Variants in WDR70 observed in about 807,000 individuals in gnomAD.
WDR70 encodes the protein WD repeat domain 70.
In WDR70, 53 loss-of-function variants were observed where a neutral mutation model predicts 88.6. The observed-to-expected ratio is 0.60, with a 90% CI of 0.48 to 0.75. WDR70 has a LOEUF of 0.75. Among genes scored for constraint, WDR70 ranks in the 30% least tolerant of loss-of-function variants. The pLI is 0.00. For synonymous variants in WDR70, 280 were observed against 270.0 expected, an observed-to-expected ratio of 1.04 and a Z score of -0.36; for missense variants, 610 against 823.2, an observed-to-expected ratio of 0.74 and a Z score of 3.17.
intron 7 of WDR70, among the ~76,000 whole-genome samples, chr5:37,447,905 G>A (rs1455079773): frequency 1.3e-5 from 2 of 152,054 alleles, no homozygotes; most frequent in East Asian, 1.9e-4. Context: ...CCTGCACGTT[G>A]TGCACATGTA....
At chr5:37,618,454 C>A (rs762366183) in intron 10 of WDR70, among the ~76,000 whole-genome samples, 1 of 152,084 alleles carries the variant, frequency 6.6e-6, no homozygotes, top group Non-Finnish European at 1.5e-5. Context: ...CTGCAACCTC[C>A]GCCTCTGGGG....
intron 10 of WDR70, among the ~76,000 whole-genome samples, chr5:37,656,482 G>T (rs1261352954): frequency 6.6e-6 from 1 of 152,262 alleles, no homozygotes; most frequent in African/African-American, 2.4e-5. Flanking sequence ...TGTGCTGGGA[G>T]ATCCACTGCT....
At chr5:37,506,224 T>C (rs781034072) in intron 8 of WDR70, 21 of 971,938 alleles carry the variant, frequency 2.2e-5, no homozygotes, top group Non-Finnish European at 3.2e-5. Flanking sequence ...TTGGTTGGAG[T>C]TGCTATCAAA....
chr5:37,609,274 G>A lies in WDR70; in HGVS notation c.1092+4036G>A, dbSNP rs1020704862. Among the ~76,000 whole-genome samples, 13 of 152,094 alleles carry A rather than the reference G, an allele frequency of 8.5e-5. 1 individual carries two copies. The East Asian group carries it at 1.3e-3, about 16-fold the overall frequency. On this transcript the variant is annotated intron_variant, in intron 10 of 17. Transcript: ENST00000265107. ...TAACAGGCAAATTTTTAAAAACTAT[G>A]TTCATGTCTCTTTATAATTCTGGGC...
intron 5 of WDR70, among the ~76,000 whole-genome samples, chr5:37,424,069 A>G (rs910396379): frequency 6.8e-6 from 1 of 146,050 alleles, no homozygotes; most frequent in African/African-American, 2.5e-5. Flanking sequence ...GAATCGCTTG[A>G]ACACGAGAAG....
At chr5:37,693,556 T>C (rs1284978945) in intron 10 of WDR70, among the ~76,000 whole-genome samples, 1 of 150,372 alleles carries the variant, frequency 6.7e-6, no homozygotes, top group Non-Finnish European at 1.5e-5. Flanking sequence ...AAATAACACA[T>C]CTACAACCAT....
chr5:37,630,749 C>T (rs1404582264), intron 10 of WDR70, among the ~76,000 whole-genome samples: 1 of 152,132 alleles, frequency 6.6e-6, no homozygotes, highest in African/African-American at 2.4e-5. Flanking sequence ...ATATGAAACC[C>T]CAGTGCTGGA....
chr5:37,576,076 A>C (rs1743041591), intron 9 of WDR70, among the ~76,000 whole-genome samples: 6 of 137,676 alleles, frequency 4.4e-5, no homozygotes, highest in African/African-American at 8.1e-5. Flanking sequence ...CTTCCTTCCT[A>C]ACTTCCTTCC....
chr5:37,441,482 CTATT>C (rs1372629428), intron 6 of WDR70, among the ~76,000 whole-genome samples: 1 of 152,058 alleles, frequency 6.6e-6, no homozygotes, highest in Non-Finnish European at 1.5e-5. Context: ...CATTTCAAGT[CTATT>C]TATTAGGAGA....
chr5:37,585,439 A>G (rs776738447), intron 9 of WDR70, among the ~76,000 whole-genome samples: 6 of 152,208 alleles, frequency 3.9e-5, no homozygotes, highest in Admixed American at 2.0e-4. Context: ...CATGTACAAC[A>G]TAGAAGTGCA....
chr5:37,696,680 T>C (rs10941362), intron 10 of WDR70, among the ~76,000 whole-genome samples: 68,858 of 123,338 alleles, frequency 0.56, 17,897 homozygotes, highest in Middle Eastern at 0.71. Flanking sequence ...CACACGCGCG[T>C]GCACACACAC....
chr5:37,430,322 AAG>A (rs1473575746), intron 5 of WDR70, among the ~76,000 whole-genome samples: 1 of 152,196 alleles, frequency 6.6e-6, no homozygotes, highest in Non-Finnish European at 1.5e-5. Flanking sequence ...GTGTGATCTG[AAG>A]AGAGAACTGT....
intron 9 of WDR70, among the ~76,000 whole-genome samples, chr5:37,579,700 G>C (rs1743164969): frequency 6.6e-6 from 1 of 150,410 alleles, no homozygotes; most frequent in African/African-American, 2.4e-5. Flanking sequence ...TTAAAAATCT[G>C]TTCTGTTATT....
chr5:37,716,195 A>T (rs1476838931), intron 13 of WDR70, among the ~76,000 whole-genome samples: 1 of 152,226 alleles, frequency 6.6e-6, no homozygotes, highest in African/African-American at 2.4e-5. Context: ...GGATCCGGAA[A>T]TGGAGTTTCA....
intron 10 of WDR70, among the ~76,000 whole-genome samples, chr5:37,694,549 A>G (rs1191123516): frequency 1.3e-5 from 2 of 152,142 alleles, no homozygotes; most frequent in Non-Finnish European, 2.9e-5. Flanking sequence ...TCTTTCAGGG[A>G]CATGGATGAA....
At chr5:37,676,674 A>G (rs555546733) in intron 10 of WDR70, among the ~76,000 whole-genome samples, 3 of 152,060 alleles carry the variant, frequency 2.0e-5, no homozygotes, top group Admixed American at 6.5e-5. Context: ...ATGTTCATCA[A>G]GGATATTGGT....
intron 9 of WDR70, among the ~76,000 whole-genome samples, chr5:37,533,468 AC>A (rs1331133279): frequency 1.4e-5 from 2 of 148,022 alleles, no homozygotes; most frequent in Non-Finnish European, 3.0e-5. Flanking sequence ...CACCACCACC[AC>A]CACCACCACC....
chr5:37,555,792 C>T (rs897406004), intron 9 of WDR70, among the ~76,000 whole-genome samples: 4 of 152,098 alleles, frequency 2.6e-5, no homozygotes, highest in African/African-American at 9.7e-5. Flanking sequence ...GATCTTGGCT[C>T]ACTGCAACCT....
chr5:37,382,507 G>C (rs1748458832), intron 3 of WDR70, among the ~76,000 whole-genome samples: 1 of 151,328 alleles, frequency 6.6e-6, no homozygotes. Context: ...TACCTCCCCG[G>C]TTCAAGCAAT....
Sources: gnomAD v4.1 joint callset for allele counts (sites outside exome capture counted in the v4.1 genomes callset) on GRCh38, gnomAD v4.1.1 for gene constraint, MANE v1.5 for transcripts, NCBI Gene and HGNC (gene_info 2026-07-23, HGNC 2026-07-21) for gene names.